STK32C: variants seen among roughly 807,000 people sequenced by gnomAD.
STK32C encodes serine/threonine-protein kinase 32C.
STK32C carries 31 observed loss-of-function variants against 56.5 expected under a neutral mutation model. The observed-to-expected ratio is 0.55, with a 90% CI of 0.41 to 0.74. The LOEUF (loss-of-function observed/expected upper bound fraction) is 0.74. Ranked by LOEUF, STK32C falls within the 30% of genes least tolerant of loss-of-function variation. The pLI is 0.00. For missense variants in STK32C, 544 were observed against 676.9 expected, an observed-to-expected ratio of 0.80 and a Z score of 2.18; for synonymous variants, 309 against 289.4, an observed-to-expected ratio of 1.07 and a Z score of -0.69.
intron 1 of STK32C, among the ~76,000 whole-genome samples, chr10:132,325,230 A>C (rs926703337): frequency 1.3e-5 from 2 of 152,092 alleles, no homozygotes; most frequent in African/African-American, 4.8e-5. Flanking sequence ...ATAGTGAATA[A>C]GTCTCACGAG....
intron 1 of STK32C, among the ~76,000 whole-genome samples, chr10:132,299,582 T>G (rs1422599785): frequency 6.6e-6 from 1 of 152,214 alleles, no homozygotes; most frequent in African/African-American, 2.4e-5. Flanking sequence ...CTGGCCGAGG[T>G]GCCGTGTACA....
intron 1 of STK32C, among the ~76,000 whole-genome samples, chr10:132,262,099 T>C (rs767102056): frequency 1.3e-5 from 2 of 151,942 alleles, no homozygotes; most frequent in Non-Finnish European, 1.5e-5. Context: ...AACAGACACA[T>C]AGACCAATGG....
At chr10:132,212,372 G>C (rs1170786852) in intron 10 of STK32C, among the ~76,000 whole-genome samples, 1 of 152,232 alleles carries the variant, frequency 6.6e-6, no homozygotes, top group Non-Finnish European at 1.5e-5. Context: ...ATCCACCGAT[G>C]AGAGAATGAA....
In STK32C at chr10:132,325,274, CG is replaced by C. The variant is rs768152376; in HGVS notation, c.302-902del. Among the ~76,000 whole-genome samples, 16 of 152,144 alleles carry C rather than the reference CG, an allele frequency of 1.1e-4. No homozygotes were observed. The East Asian group carries it at 2.1e-3, about 20-fold the overall frequency. Reference sequence around the variant, plus strand: ...GTTTTAGAAAGAGGAGTTCCCCGGCCGGGCGCGGTGGCTCACACCTGTAATC... The same window carrying C: ...GTTTTAGAAAGAGGAGTTCCCCGGCCGGCGCGGTGGCTCACACCTGTAATC... On this transcript the variant is annotated intron_variant, in intron 1 of 1. Transcript: ENST00000368619.
chr10:132,273,702 C>T (rs940536427), intron 1 of STK32C, among the ~76,000 whole-genome samples: 1 of 151,824 alleles, frequency 6.6e-6, no homozygotes, highest in African/African-American at 2.4e-5. Context: ...AGTAAATGAA[C>T]GAGTAGATGA....
At chr10:132,247,563 T>G (rs1366748775) in intron 1 of STK32C, among the ~76,000 whole-genome samples, 4 of 151,786 alleles carry the variant, frequency 2.6e-5, no homozygotes. Context: ...CAAGTAGGCA[T>G]CAGCTGGGGG....
chr10:132,332,113 GAC>G (rs1030090664), upstream of STK32C: 6 of 205,004 alleles, frequency 2.9e-5, no homozygotes, highest in Admixed American at 6.1e-5. Context: ...GCGCATCACA[GAC>G]ACACTCGCGC....
At chr10:132,227,590 G>A (rs538377668) in intron 3 of STK32C, among the ~76,000 whole-genome samples, 1 of 149,714 alleles carries the variant, frequency 6.7e-6, no homozygotes, top group South Asian at 2.1e-4. Context: ...GGTTGCAGTG[G>A]TGATGGTGGT....
At chr10:132,322,102 G>C (rs2066421820), downstream of STK32C, among the ~76,000 whole-genome samples, 1 of 152,222 alleles carries the variant, frequency 6.6e-6, no homozygotes, top group South Asian at 2.1e-4. Context: ...AGTTGAGTGA[G>C]TGTAAGACTC....
chr10:132,328,692 C>T (rs1423572179), intron 1 of STK32C, among the ~76,000 whole-genome samples: 2 of 152,232 alleles, frequency 1.3e-5, no homozygotes, highest in Non-Finnish European at 2.9e-5. Flanking sequence ...AAGATGGAAT[C>T]GGTTAGGTCT....
chr10:132,232,553 C>T (rs944638306), intron 2 of STK32C, among the ~76,000 whole-genome samples: 4 of 152,128 alleles, frequency 2.6e-5, no homozygotes, highest in Non-Finnish European at 5.9e-5. Flanking sequence ...CAGGCAGGTC[C>T]GACTCAAACG....
At chr10:132,257,645 CCT>C (rs1565118292) in intron 1 of STK32C, among the ~76,000 whole-genome samples, 1 of 151,814 alleles carries the variant, frequency 6.6e-6, no homozygotes. Flanking sequence ...CCTGCCCTGC[CCT>C]CTCTCTGCCT....
At chr10:132,248,752 G>C (rs1441084393) in intron 1 of STK32C, among the ~76,000 whole-genome samples, 1 of 152,182 alleles carries the variant, frequency 6.6e-6, no homozygotes, top group Non-Finnish European at 1.5e-5. Flanking sequence ...ACTGCCCTGG[G>C]AAACGAAGCC....
chr10:132,236,693 C>T (rs1365978478), intron 2 of STK32C, among the ~76,000 whole-genome samples: 2 of 152,192 alleles, frequency 1.3e-5, no homozygotes, highest in African/African-American at 2.4e-5. Flanking sequence ...TGGCTCCAGC[C>T]GGCAGCCAGA....
At chr10:132,228,670 G>A (rs1480224977) in intron 2 of STK32C, among the ~76,000 whole-genome samples, 1 of 152,262 alleles carries the variant, frequency 6.6e-6, no homozygotes, top group African/African-American at 2.4e-5. Flanking sequence ...GCTTGGAGCA[G>A]CAAGCAGCCC....
In STK32C at chr10:132,255,778, G is replaced by C. The variant is rs549032938; in HGVS notation, c.263-9823C>G. ...TGACCCTGGACTCCTCAGTCCAGAG[G>C]GGGCCTGGAGCCTCGAGGTCATGCC... On this transcript the variant is annotated intron_variant, in intron 1 of 11. Coordinates refer to ENST00000298630, the MANE Select transcript of STK32C (RefSeq NM_173575.4). The surrounding 1 kb of genome is among the most constrained non-coding windows in gnomAD (Gnocchi z 4.6). Among the ~76,000 whole-genome samples, 80 of 152,296 alleles carry C rather than the reference G, an allele frequency of 5.3e-4. 1 individual carries two copies. In the South Asian group the frequency reaches 0.016, roughly 31 times the overall value.
At chr10:132,214,637 CA>C (rs2062412217) in intron 10 of STK32C, among the ~76,000 whole-genome samples, 1 of 152,028 alleles carries the variant, frequency 6.6e-6, no homozygotes, top group South Asian at 2.1e-4. Context: ...TTAATTGATC[CA>C]AAAGATAACT....
intron 1 of STK32C, among the ~76,000 whole-genome samples, chr10:132,248,589 G>A (rs528515119): frequency 1.3e-5 from 2 of 152,380 alleles, no homozygotes; most frequent in African/African-American, 2.4e-5. Flanking sequence ...ACAGGAGCCC[G>A]TGGTCGGCAC....
chr10:132,293,097 G>T (rs61864485), intron 1 of STK32C, among the ~76,000 whole-genome samples: 1 of 152,182 alleles, frequency 6.6e-6, no homozygotes, highest in African/African-American at 2.4e-5. Context: ...CGGCACGTGC[G>T]GGGCGGTCAG....
Sources: allele counts gnomAD v4.1 joint callset (sites outside exome capture counted in the v4.1 genomes callset), GRCh38; gene constraint gnomAD v4.1.1; non-coding constraint Gnocchi (gnomAD v3.1); transcripts MANE v1.5; gene names NCBI Gene and HGNC (gene_info 2026-07-23, HGNC 2026-07-21).